LINC00305: variants seen among roughly 807,000 people sequenced by gnomAD.
LINC00305 encodes long independently transcribed non-coding RNA 305, also known as long intergenic non-protein coding RNA 305.
intron 1 of LINC00305, among the ~76,000 whole-genome samples, chr18:64,114,097 G>A (rs1396778301): frequency 3.3e-5 from 5 of 152,206 alleles, no homozygotes; most frequent in African/African-American, 4.8e-5. Context: ...GTGAAACCCC[G>A]TCTCTACTGA....
At chr18:64,143,843 T>TATACATAC (rs143221175) in intron 1 of LINC00305, among the ~76,000 whole-genome samples, 4 of 150,198 alleles carry the variant, frequency 2.7e-5, no homozygotes, top group Non-Finnish European at 5.9e-5. Context: ...CTTATGTATG[T>TATACATAC]ATACATACAT....
At chr18:64,131,217 A>G (rs2051408479) in intron 1 of LINC00305, among the ~76,000 whole-genome samples, 1 of 152,214 alleles carries the variant, frequency 6.6e-6, no homozygotes, top group African/African-American at 2.4e-5. Flanking sequence ...CAACTTGAAT[A>G]ATATTCATGA....
At chr18:64,131,192 G>T (rs939591995) in intron 1 of LINC00305, among the ~76,000 whole-genome samples, 1 of 152,152 alleles carries the variant, frequency 6.6e-6, no homozygotes, top group South Asian at 2.1e-4. Flanking sequence ...GTTACTAAAA[G>T]AGTTTCTTTT....
intron 3 of LINC00305, among the ~76,000 whole-genome samples, chr18:64,081,280 A>G (rs2051183919): frequency 6.6e-6 from 1 of 152,260 alleles, no homozygotes; most frequent in African/African-American, 2.4e-5. Flanking sequence ...TCACACAAGT[A>G]ATCTCTTTAG....
At chr18:64,130,686 A>G (rs541674985) in intron 1 of LINC00305, among the ~76,000 whole-genome samples, 5 of 152,310 alleles carry the variant, frequency 3.3e-5, no homozygotes, top group African/African-American at 7.2e-5. Context: ...ATTCAGTACA[A>G]TCTTCACAGA....
intron 3 of LINC00305, among the ~76,000 whole-genome samples, chr18:64,088,901 AC>A (rs1328115995): frequency 1.3e-5 from 2 of 152,150 alleles, no homozygotes; most frequent in Non-Finnish European, 2.9e-5. Context: ...CAGGAAGGTG[AC>A]CAAAAGTCAG....
chr18:64,100,219 AAAGT>A lies in LINC00305; in HGVS notation n.315-1583_315-1580del, dbSNP rs767591013. 2.6e-5 allele frequency among the ~76,000 whole-genome samples: 4 copies of A among 152,100 alleles called. No individual in the cohort carries two copies. In the East Asian group the frequency reaches 5.8e-4, roughly 22 times the overall value. On this transcript the variant is annotated intron_variant and non_coding_transcript_variant, in intron 1 of 3. Coordinates refer to ENST00000666468, the Ensembl canonical transcript of LINC00305. ...TTATAAAAAGCCTCGTGTAACAGAT[AAAGT>A]AATTAGCTGTAGACCAAAGTAGTTT...
intron 3 of LINC00305, among the ~76,000 whole-genome samples, chr18:64,084,817 A>G (rs1415367494): frequency 3.3e-5 from 5 of 152,226 alleles, no homozygotes; most frequent in Admixed American, 6.5e-5. Flanking sequence ...TATATCTTTC[A>G]TCTGATAGAA....
chr18:64,105,774 A>C (rs945927292), intron 1 of LINC00305, among the ~76,000 whole-genome samples: 2 of 152,242 alleles, frequency 1.3e-5, no homozygotes, highest in African/African-American at 2.4e-5. Context: ...AATAATATCA[A>C]TACTACGATA....
intron 1 of LINC00305, among the ~76,000 whole-genome samples, chr18:64,130,414 A>C (rs577723777): frequency 2.4e-4 from 37 of 152,282 alleles, no homozygotes; most frequent in Non-Finnish European, 5.0e-4. Context: ...TCTGCCAATC[A>C]AAAGAATAAT....
intron 1 of LINC00305, among the ~76,000 whole-genome samples, chr18:64,134,454 T>A (rs1370216320): frequency 4.6e-5 from 7 of 152,238 alleles, no homozygotes; most frequent in Admixed American, 4.6e-4. Context: ...CTTTTGTTTT[T>A]TTCTGGAGCA....
chr18:64,128,676 G>T (rs973720502), intron 1 of LINC00305, among the ~76,000 whole-genome samples: 1 of 152,088 alleles, frequency 6.6e-6, no homozygotes, highest in African/African-American at 2.4e-5. Context: ...ACTGCTGCGT[G>T]TATGGGCATG....
chr18:64,110,989 G>A (rs2051312624), intron 1 of LINC00305, among the ~76,000 whole-genome samples: 2 of 152,158 alleles, frequency 1.3e-5, no homozygotes, highest in Non-Finnish European at 1.5e-5. Context: ...TAGTGCTTCA[G>A]AATCTCTGTG....
intron 3 of LINC00305, among the ~76,000 whole-genome samples, chr18:64,090,267 G>T (rs544604488): frequency 6.6e-6 from 1 of 152,274 alleles, no homozygotes; most frequent in South Asian, 2.1e-4. Flanking sequence ...TAGAATAGTT[G>T]CCAAGCACAG....
At chr18:64,129,153 CTCT>C (rs912721688) in intron 1 of LINC00305, among the ~76,000 whole-genome samples, 1 of 151,996 alleles carries the variant, frequency 6.6e-6, no homozygotes, top group Non-Finnish European at 1.5e-5. Flanking sequence ...AACTAAAAGG[CTCT>C]TGTTTCTTTT....
At chr18:64,097,625 C>G (rs982529902) in intron 3 of LINC00305, among the ~76,000 whole-genome samples, 1 of 151,714 alleles carries the variant, frequency 6.6e-6, no homozygotes, top group Non-Finnish European at 1.5e-5. Context: ...ATATAAAGAA[C>G]ATTCTTAAAA....
At chr18:64,143,557 TGTAC>T (rs1278052554) in intron 1 of LINC00305, among the ~76,000 whole-genome samples, 221 of 18,232 alleles carry the variant, frequency 0.012, 11 homozygotes, top group African/African-American at 0.034. Flanking sequence ...ACATATTATG[TGTAC>T]ATATATACAC....
chr18:64,127,553 G>A (rs898886097), intron 1 of LINC00305: 1 of 152,048 alleles, frequency 6.6e-6, no homozygotes, highest in African/African-American at 2.4e-5. Flanking sequence ...TTATCAGCCT[G>A]GTTTCATCCT....
intron 1 of LINC00305, among the ~76,000 whole-genome samples, chr18:64,106,886 C>T (rs1040359761): frequency 6.6e-6 from 1 of 152,152 alleles, no homozygotes; most frequent in Non-Finnish European, 1.5e-5. Flanking sequence ...TATGTACTCA[C>T]AGAAGAAATG....
Sources: gnomAD v4.1 joint callset for allele counts (sites outside exome capture counted in the v4.1 genomes callset) on GRCh38, gnomAD v4.1.1 for gene constraint, MANE v1.5 for transcripts, NCBI Gene and HGNC (gene_info 2026-07-23, HGNC 2026-07-21) for gene names.